Variants in CROCC2 observed in about 807,000 individuals in gnomAD.
CROCC2 encodes ciliary rootlet coiled-coil protein 2.
In CROCC2, 163 loss-of-function variants were observed where a neutral mutation model predicts 177.6. That is an observed-to-expected ratio of 0.92 (90% CI 0.81 to 1.05). The LOEUF (loss-of-function observed/expected upper bound fraction) is 1.05. CROCC2 is among the 50% of genes least tolerant of loss of function. CROCC2 has a pLI of 0.00. For synonymous variants in CROCC2, 904 were observed against 787.3 expected, an observed-to-expected ratio of 1.15 and a Z score of -2.48; for missense variants, 1,929 against 1,797.8, an observed-to-expected ratio of 1.07 and a Z score of -1.32.
chr2:240,906,400 C>A lies in CROCC2; in HGVS notation c.-114C>A, dbSNP rs1295208148. ...AGGCTCGGGACACAAGACTGCAGAG[C>A]CAGGTGCCACACAGGTGTGGGGCCC... On this transcript the variant is annotated 5_prime_UTR_variant, in exon 1 of 32. Transcript: ENST00000690015. The A allele has an allele frequency of 2.5e-6, 1 of 398,254 alleles. No homozygotes were observed. Among genetic ancestry groups the A allele is most frequent in the Non-Finnish European group, 4.4e-6 (1 of 225,804 alleles). The allele number at this position is 398,254 out of a possible 1,614,324, so 24.7% of individuals were successfully genotyped here.
chr2:240,952,593 G>A (rs1400959455), intron 18 of CROCC2, among the ~76,000 whole-genome samples: 1 of 152,244 alleles, frequency 6.6e-6, no homozygotes, highest in Non-Finnish European at 1.5e-5. Context: ...GGACTTACAG[G>A]AGGAATGGTA....
intron 11 of CROCC2, among the ~76,000 whole-genome samples, chr2:240,934,060 C>T (rs2059451068): frequency 6.6e-6 from 1 of 152,214 alleles, no homozygotes; most frequent in African/African-American, 2.4e-5. Context: ...TTCCTCTGGC[C>T]CAGTGCCCCA....
At chr2:240,970,389 T>C (rs1398363631) in intron 27 of CROCC2, among the ~76,000 whole-genome samples, 3 of 152,258 alleles carry the variant, frequency 2.0e-5, no homozygotes, top group Non-Finnish European at 4.4e-5. Context: ...ATTTGTCCCA[T>C]GTAGAAGTTT....
chr2:240,959,205 C>T, intron 19 of CROCC2, 96 bp from the exon 20 acceptor site: 4 of 1,396,430 alleles, frequency 2.9e-6, no homozygotes. Flanking sequence ...TCCCAGGCCA[C>T]TGCAACACCT....
chr2:240,909,386 T>G (rs2059273377), intron 1 of CROCC2, among the ~76,000 whole-genome samples: 1 of 152,216 alleles, frequency 6.6e-6, no homozygotes, highest in South Asian at 2.1e-4. Context: ...CTCTACCTCC[T>G]CCACCTGGAG....
Position 240,968,189 on chromosome 2 carries a change from A to AGGCG in CROCC2, c.4329_4332dup (p.Leu1445GlyfsTer35). The AGGCG allele has an allele frequency of 1.3e-6, 2 of 1,532,396 alleles. No homozygotes were observed. Among genetic ancestry groups the AGGCG allele is most frequent in the East Asian group, 4.9e-5 (2 of 40,802 alleles). 94.9% of individuals were successfully genotyped at this position (1,532,396 alleles called of 1,614,324 possible). A position where few individuals can be genotyped will look rare whatever the true frequency, so the allele number is the denominator to read the frequency against. On this transcript the variant is annotated frameshift_variant, in exon 27 of 32. Coordinates refer to ENST00000690015, the MANE Select transcript of CROCC2 (RefSeq NM_001351305.2). LOFTEE classifies it high-confidence loss of function. ...CGGGCAGCACGTGCCCTGCAGAAGG[A>AGGCG]GGCGCTCCGCAGGCTGGAGTTGGAG... is the stretch of plus-strand genomic sequence containing the variant.
intron 3 of CROCC2, among the ~76,000 whole-genome samples, chr2:240,921,259 C>G (rs2059355567): frequency 6.6e-6 from 1 of 152,166 alleles, no homozygotes. Context: ...CTCTGCTCCC[C>G]ACCCAGTTCT....
At chr2:240,922,214 GC>G (rs955218127) in intron 3 of CROCC2, among the ~76,000 whole-genome samples, 3 of 152,240 alleles carry the variant, frequency 2.0e-5, no homozygotes, top group African/African-American at 7.2e-5. Context: ...TGCTCCAGCA[GC>G]CCCCAGAGCT....
chr2:240,968,209 T>C lies in CROCC2; in HGVS notation c.4348T>C (p.Leu1450=). ...LQKEALRRLE[L]EHLASVRAAG... ...GAAGGAGGCGCTCCGCAGGCTGGAG[T>C]TGGAGCACCTGGCGAGCGTGCGTGC... Residue 1450 remains leucine, a synonymous_variant, in exon 27 of 32, where the codon TTG becomes CTG. Coordinates refer to ENST00000690015, the MANE Select transcript of CROCC2 (RefSeq NM_001351305.2). The C allele has an allele frequency of 6.5e-7, 1 of 1,533,252 alleles. No individual in the cohort carries two copies. Among genetic ancestry groups the C allele is most frequent in the South Asian group, 1.2e-5 (1 of 83,862 alleles). 95.0% of individuals were successfully genotyped at this position (1,533,252 alleles called of 1,614,324 possible). A position where few individuals can be genotyped will look rare whatever the true frequency, so the allele number is the denominator to read the frequency against.
At chr2:240,974,455 C>A (rs1401796360) in intron 27 of CROCC2, among the ~76,000 whole-genome samples, 3 of 151,106 alleles carry the variant, frequency 2.0e-5, no homozygotes, top group African/African-American at 7.3e-5. Context: ...GATCCTCCCA[C>A]TTCAGCCTCT....
intron 5 of CROCC2, among the ~76,000 whole-genome samples, chr2:240,926,465 T>C (rs1202008849): frequency 6.6e-6 from 1 of 152,022 alleles, no homozygotes; most frequent in Non-Finnish European, 1.5e-5. Flanking sequence ...GTACCGTGGC[T>C]CTCCAGCCAG....
intron 19 of CROCC2, chr2:240,957,969 T>A (rs1020356050): frequency 6.1e-6 from 6 of 985,214 alleles, no homozygotes; most frequent in Non-Finnish European, 6.0e-6. Context: ...AGGGGCCTTC[T>A]CTGGAGCCAG....
intron 3 of CROCC2, 87 bp from the exon 4 acceptor site, chr2:240,922,452 A>G (rs2059362430): frequency 1.6e-6 from 1 of 606,656 alleles, no homozygotes; most frequent in South Asian, 1.8e-5. Context: ...CTTCCCCACT[A>G]AGGTCGGCTT....
chr2:240,961,952 C>T (rs950465186), intron 20 of CROCC2, among the ~76,000 whole-genome samples: 4 of 151,292 alleles, frequency 2.6e-5, no homozygotes, highest in Non-Finnish European at 4.4e-5. Context: ...TGCACACACA[C>T]GTATGCACAC....
intron 28 of CROCC2, among the ~76,000 whole-genome samples, chr2:240,987,884 G>A (rs2059850999): frequency 6.6e-6 from 1 of 152,252 alleles, no homozygotes. Context: ...CTGGCCCAAT[G>A]AGCCTGTGAC....
intron 1 of CROCC2, among the ~76,000 whole-genome samples, chr2:240,913,411 C>T (rs913429572): frequency 1.3e-5 from 2 of 152,218 alleles, no homozygotes; most frequent in South Asian, 2.1e-4. Context: ...TTGCCCTCCT[C>T]GAGTTCCTTG....
chr2:240,944,096 A>G (rs1228658494), intron 14 of CROCC2, among the ~76,000 whole-genome samples: 2 of 152,210 alleles, frequency 1.3e-5, no homozygotes, highest in African/African-American at 2.4e-5. Flanking sequence ...TGGGTATAGA[A>G]TACTAAAATA....
intron 28 of CROCC2, among the ~76,000 whole-genome samples, chr2:240,984,922 CCA>C (rs199595223): frequency 1.2e-4 from 1 of 8,136 alleles, no homozygotes; most frequent in Admixed American, 1.6e-3. Flanking sequence ...GGCACTCACT[CCA>C]CACACACACC....
At chr2:240,912,783 G>A (rs2059296506) in intron 1 of CROCC2, among the ~76,000 whole-genome samples, 1 of 152,212 alleles carries the variant, frequency 6.6e-6, no homozygotes, top group Admixed American at 6.5e-5. Context: ...TCGTGCCGTG[G>A]TCTTTCTGGT....
Sources: gnomAD v4.1 joint callset for allele counts (sites outside exome capture counted in the v4.1 genomes callset) on GRCh38, gnomAD v4.1.1 for gene constraint, MANE v1.5 for transcripts, NCBI Gene and HGNC (gene_info 2026-07-23, HGNC 2026-07-21) for gene names.